CAB39L: variants seen among roughly 807,000 people sequenced by gnomAD.
CAB39L encodes the protein calcium binding protein 39 like, also known as calcium-binding protein 39-like.
Under a neutral mutation model 39.1 loss-of-function variants are expected in CAB39L, and 23 were observed. The observed-to-expected ratio is 0.59, with a 90% CI of 0.42 to 0.83. The LOEUF (loss-of-function observed/expected upper bound fraction) is 0.83. Ranked by LOEUF, CAB39L falls within the 40% of genes least tolerant of loss-of-function variation. The pLI is 0.00. For missense variants in CAB39L, 366 were observed against 391.9 expected, an observed-to-expected ratio of 0.93 and a Z score of 0.56; for synonymous variants, 126 against 137.2, an observed-to-expected ratio of 0.92 and a Z score of 0.57.
At chr13:49,423,588 A>G (rs767016781) in intron 3 of CAB39L, among the ~76,000 whole-genome samples, 8 of 152,326 alleles carry the variant, frequency 5.3e-5, no homozygotes, top group East Asian at 3.9e-4. Context: ...TTAAAAAAAG[A>G]GTAAAAATTA....
intron 5 of CAB39L, among the ~76,000 whole-genome samples, chr13:49,368,762 T>C (rs1435439407): frequency 6.6e-6 from 1 of 152,116 alleles, no homozygotes; most frequent in Admixed American, 6.5e-5. Flanking sequence ...ATGAATTATA[T>C]ATATGGAAGT....
At chr13:49,327,107 A>T (rs1954526131) in intron 10 of CAB39L, among the ~76,000 whole-genome samples, 1 of 152,098 alleles carries the variant, frequency 6.6e-6, no homozygotes, top group African/African-American at 2.4e-5. Flanking sequence ...CAGACTTCAT[A>T]TTCCCACCAT....
intron 3 of CAB39L, among the ~76,000 whole-genome samples, chr13:49,429,581 A>AAACATAC (rs1957289199): frequency 6.6e-6 from 1 of 152,190 alleles, no homozygotes; most frequent in Admixed American, 6.5e-5. Context: ...GACTGGGTCA[A>AAACATAC]AACATACATA....
At chr13:49,394,452 C>T (rs1956562088) in intron 3 of CAB39L, among the ~76,000 whole-genome samples, 1 of 152,000 alleles carries the variant, frequency 6.6e-6, no homozygotes, top group South Asian at 2.1e-4. Flanking sequence ...ATAAATTAGA[C>T]AATAATTTGA....
intron 6 of CAB39L, among the ~76,000 whole-genome samples, chr13:49,352,787 G>A (rs894069910): frequency 1.3e-5 from 2 of 152,030 alleles, no homozygotes; most frequent in Non-Finnish European, 2.9e-5. Context: ...TTTTTAAAGA[G>A]ATATCATTGA....
At chr13:49,410,385 T>C (rs1269470793) in intron 3 of CAB39L, among the ~76,000 whole-genome samples, 1 of 152,228 alleles carries the variant, frequency 6.6e-6, no homozygotes, top group Non-Finnish European at 1.5e-5. Flanking sequence ...TTTTATGAGG[T>C]GTGTCATACT....
At chr13:49,351,113 C>A in intron 6 of CAB39L, 13 of 371,012 alleles carry the variant, frequency 3.5e-5, no homozygotes, top group Non-Finnish European at 5.7e-5. Flanking sequence ...TATTCTGAAA[C>A]ACTTAGATAT....
intron 10 of CAB39L, among the ~76,000 whole-genome samples, chr13:49,311,997 G>A (rs1248103404): frequency 6.6e-6 from 1 of 152,170 alleles, no homozygotes; most frequent in African/African-American, 2.4e-5. Flanking sequence ...GGGCTCAAGC[G>A]ATCCTCCCGC....
intron 7 of CAB39L, among the ~76,000 whole-genome samples, chr13:49,346,409 G>A (rs1955180250): frequency 6.7e-6 from 1 of 149,312 alleles, no homozygotes. Context: ...AATTGTGAAG[G>A]AAAATAAAGT....
intron 3 of CAB39L, among the ~76,000 whole-genome samples, chr13:49,433,063 T>C (rs986975586): frequency 5.9e-5 from 9 of 152,350 alleles, no homozygotes; most frequent in African/African-American, 1.9e-4. Flanking sequence ...ATTTTCTTAA[T>C]GGGCTCATCC....
At chr13:49,408,899 T>C (rs9535234) in intron 3 of CAB39L, among the ~76,000 whole-genome samples, 54,023 of 151,936 alleles carry the variant, frequency 0.36, 9,949 homozygotes, top group Middle Eastern at 0.42. Flanking sequence ...GAAAAGTATG[T>C]TATCGTGTGA....
chr13:49,317,855 A>G (rs1484378603), intron 10 of CAB39L, among the ~76,000 whole-genome samples: 2 of 152,196 alleles, frequency 1.3e-5, no homozygotes, highest in Non-Finnish European at 2.9e-5. Flanking sequence ...ATATTTGCAA[A>G]TCATATATCT....
chr13:49,372,787 C>T (rs906903828), intron 5 of CAB39L, among the ~76,000 whole-genome samples: 6 of 152,152 alleles, frequency 3.9e-5, no homozygotes, highest in Non-Finnish European at 5.9e-5. Flanking sequence ...TCTCCTGCCT[C>T]AGCCTCCCTC....
At chr13:49,361,518 A>AAG (rs943938705) in intron 5 of CAB39L, among the ~76,000 whole-genome samples, 75 of 146,574 alleles carry the variant, frequency 5.1e-4, no homozygotes, top group East Asian at 5.1e-3. Context: ...AAAGAAAGGA[A>AAG]AGAGAGAGAG....
chr13:49,334,988 T>C (rs574521240), intron 9 of CAB39L, among the ~76,000 whole-genome samples: 1 of 152,266 alleles, frequency 6.6e-6, no homozygotes, highest in Admixed American at 6.5e-5. Context: ...GACAAGCAAA[T>C]AGTTGGAAAA....
chr13:49,332,042 T>C lies in CAB39L; in HGVS notation c.739A>G (p.Lys247Glu), dbSNP rs186705879. 2 of 1,614,148 alleles carry C rather than the reference T, an allele frequency of 1.2e-6. No homozygotes were observed. Among genetic ancestry groups the C allele is most frequent in the Admixed American group, 1.7e-5 (1 of 60,008 alleles). ...LDRHNFAIMT[K>E]YISKPENLKL... ...AGGTTCTCCGGCTTGCTGATATACT[T>C]TGTCATGATGGCAAAGTTGTGACGG... Residue 247 changes from lysine (K) to glutamate (E), a missense_variant, in exon 10 of 11, where the codon AAG (lysine) becomes GAG (glutamate). Transcript: ENST00000409308.
At position 49,310,772 on chromosome 13, in the gene CAB39L, G is replaced by C; in HGVS notation, c.*42C>G. 6.3e-7 allele frequency: 1 copy of C among 1,597,600 alleles called. No individual in the cohort carries two copies. The highest frequency in any genetic ancestry group is 8.5e-7 in the Non-Finnish European group (1 of 1,169,954). The stretch of plus-strand genomic sequence containing the variant: ...CTGAAATGACACACTGTACAAACTG[G>C]ACAAATGAGACGACTGACTGTGACA... On this transcript the variant is annotated 3_prime_UTR_variant, in exon 11 of 11. Transcript: ENST00000409308.
chr13:49,395,711 A>G (rs765083563), intron 3 of CAB39L, among the ~76,000 whole-genome samples: 7 of 152,144 alleles, frequency 4.6e-5, no homozygotes, highest in Non-Finnish European at 1.0e-4. Context: ...CTTTCCTAAT[A>G]CACAGTAAAA....
chr13:49,323,544 C>G (rs77812500), intron 10 of CAB39L, among the ~76,000 whole-genome samples: 2,239 of 152,274 alleles, frequency 0.015, 27 homozygotes, highest in Non-Finnish European at 0.021. Context: ...CTCCAAGCCT[C>G]AGATGGAAAT....
Sources: allele counts gnomAD v4.1 joint callset (sites outside exome capture counted in the v4.1 genomes callset), GRCh38; gene constraint gnomAD v4.1.1; transcripts MANE v1.5; gene names NCBI Gene and HGNC (gene_info 2026-07-23, HGNC 2026-07-21).